FAM107B: variants seen among roughly 807,000 people sequenced by gnomAD.
FAM107B encodes family with sequence similarity 107 member B.
In FAM107B, 21 loss-of-function variants were observed where a neutral mutation model predicts 31.5. The observed-to-expected ratio is 0.67, with a 90% CI of 0.47 to 0.96. The LOEUF is 0.96. Ranked by LOEUF, FAM107B falls within the 40% of genes least tolerant of loss-of-function variation. FAM107B has a pLI of 0.00. For missense variants in FAM107B, 452 were observed against 377.1 expected (o/e 1.20, Z -1.64); for synonymous variants, 157 against 141.5 (o/e 1.11, Z -0.78).
Position 14,579,092 on chromosome 10 carries a change from C to T in FAM107B, c.470-48577G>A, listed in dbSNP as rs540838802. On this transcript the variant is annotated intron_variant, in intron 2 of 4. Coordinates refer to ENST00000181796, the MANE Select transcript of FAM107B (RefSeq NM_031453.4). ...GACAAACACCTAGAAAAAACCCATT[C>T]GTTGTATGAAGCACTCGGCTCAAGT... Among the ~76,000 whole-genome samples, 5 of 152,248 alleles carry T rather than the reference C, an allele frequency of 3.3e-5. No homozygotes were observed. The East Asian group carries it at 5.8e-4, about 18-fold the overall frequency.
At chr10:14,604,444 G>GGAGGGGCGGGGCGGC (rs1852526900) in intron 2 of FAM107B, 1 of 160,506 alleles carries the variant, frequency 6.2e-6, no homozygotes, top group South Asian at 2.0e-4. Flanking sequence ...GGCGGGGCGG[G>GGAGGGGCGGGGCGGC]GAGGGGCGGG....
intron 1 of FAM107B, among the ~76,000 whole-genome samples, chr10:14,747,938 C>T (rs1832759554): frequency 6.6e-6 from 1 of 152,214 alleles, no homozygotes; most frequent in African/African-American, 2.4e-5. Context: ...TCCCTCCATC[C>T]CCAGCCCACC....
intron 2 of FAM107B, among the ~76,000 whole-genome samples, chr10:14,582,807 C>T (rs555131263): frequency 7.2e-5 from 11 of 152,138 alleles, no homozygotes; most frequent in South Asian, 4.2e-4. Context: ...CGAAACTCGC[C>T]GGGCATGGTG....
rs117452669 is a variant in FAM107B at position 14,773,301 on chromosome 10, C to T, written c.411+952G>A. On this transcript the variant is annotated intron_variant, in intron 1 of 4. Transcript: ENST00000181796. Reference sequence around the variant, plus strand: ...GTTGGCTGTGTTCTTGCTAAGGAGGCTTCTTAGATTCTGTGAAGCAAGCCA... The same window carrying T: ...GTTGGCTGTGTTCTTGCTAAGGAGGTTTCTTAGATTCTGTGAAGCAAGCCA... Among the ~76,000 whole-genome samples the T allele has an allele frequency of 3.2e-4, 48 of 152,240 alleles. 1 individual carries two copies. The East Asian group carries it at 5.6e-3, about 18-fold the overall frequency.
At chr10:14,601,424 G>A (rs1852393575) in intron 2 of FAM107B, among the ~76,000 whole-genome samples, 1 of 152,102 alleles carries the variant, frequency 6.6e-6, no homozygotes, top group East Asian at 1.9e-4. Context: ...GGAGAAAAAT[G>A]GTTTGTTTCA....
rs141176583 is a variant in FAM107B, at chr10:14,697,744, A to G, written c.412-30053T>C. Among the ~76,000 whole-genome samples, 11 of 152,254 alleles carry G rather than the reference A, an allele frequency of 7.2e-5. No homozygotes were observed. In the East Asian group the frequency reaches 2.1e-3, roughly 29 times the overall value. ...TCAGTCTCGAAGGGACTCTACCTAG[A>G]CTGTTTCTACAATGTTGTACCTTTA... is the stretch of plus-strand genomic sequence containing the variant. On this transcript the variant is annotated intron_variant, in intron 1 of 4. Transcript: ENST00000181796.
chr10:14,659,906 A>AT (rs199893236), intron 2 of FAM107B, among the ~76,000 whole-genome samples: 12 of 151,478 alleles, frequency 7.9e-5, no homozygotes, highest in Admixed American at 2.0e-4. Context: ...AAAAATACTT[A>AT]TTTTTTTTTC....
intron 1 of FAM107B, among the ~76,000 whole-genome samples, chr10:14,737,316 C>T (rs1327123486): frequency 6.6e-6 from 1 of 151,870 alleles, no homozygotes; most frequent in African/African-American, 2.4e-5. Context: ...AAAAGCATTT[C>T]CTCTCCATAG....
intron 1 of FAM107B, among the ~76,000 whole-genome samples, chr10:14,764,265 C>T (rs145170463): frequency 1.3e-5 from 2 of 152,306 alleles, no homozygotes; most frequent in Non-Finnish European, 2.9e-5. Context: ...CATCTTACTA[C>T]CCTTTTTTGT....
intron 2 of FAM107B, among the ~76,000 whole-genome samples, chr10:14,628,261 C>T (rs144777755): frequency 0.039 from 5,924 of 151,712 alleles, 176 homozygotes; most frequent in East Asian, 0.13. Context: ...GGATTACAGG[C>T]GCCCACCATC....
chr10:14,769,899 G>A (rs1833262635), intron 1 of FAM107B, among the ~76,000 whole-genome samples: 1 of 152,162 alleles, frequency 6.6e-6, no homozygotes, highest in South Asian at 2.1e-4. Context: ...TACATCACTG[G>A]GAGAGAGAGG....
intron 2 of FAM107B, among the ~76,000 whole-genome samples, chr10:14,638,400 T>C (rs142836993): frequency 2.7e-4 from 41 of 152,272 alleles, no homozygotes; most frequent in African/African-American, 9.1e-4. Flanking sequence ...TTATGCTCCC[T>C]TCTCTTTGAA....
At chr10:14,767,311 C>T (rs570859981) in intron 1 of FAM107B, among the ~76,000 whole-genome samples, 2 of 151,312 alleles carry the variant, frequency 1.3e-5, no homozygotes, top group Non-Finnish European at 2.9e-5. Context: ...AGGCTGGTCT[C>T]GAACTCCTGA....
At chr10:14,734,487 G>GGTGTTTTTGTTTTTT (rs1461849991) in intron 1 of FAM107B, among the ~76,000 whole-genome samples, 2 of 133,134 alleles carry the variant, frequency 1.5e-5, no homozygotes, top group African/African-American at 7.1e-5. Flanking sequence ...CTTTTTGTGA[G>GGTGTTTTTGTTTTTT]GTTTTTTTTT....
intron 2 of FAM107B, among the ~76,000 whole-genome samples, chr10:14,531,236 A>G (rs561544448): frequency 1.3e-5 from 2 of 152,320 alleles, no homozygotes; most frequent in South Asian, 2.1e-4. Context: ...TACAAAATAC[A>G]AGGCCGAGCA....
intron 2 of FAM107B, among the ~76,000 whole-genome samples, chr10:14,611,379 CT>C (rs916913325): frequency 1.2e-4 from 18 of 151,370 alleles, no homozygotes; most frequent in Non-Finnish European, 4.4e-5. Context: ...TTTGCTCCAA[CT>C]TTTTTTTCTT....
intron 2 of FAM107B, among the ~76,000 whole-genome samples, chr10:14,549,283 G>T (rs1225998046): frequency 6.6e-6 from 1 of 152,226 alleles, no homozygotes; most frequent in Non-Finnish European, 1.5e-5. Flanking sequence ...CAAGGGGCTT[G>T]CGAGGCCCCT....
chr10:14,549,402 GC>G (rs1719111777), intron 2 of FAM107B, among the ~76,000 whole-genome samples: 1 of 152,214 alleles, frequency 6.6e-6, no homozygotes, highest in Admixed American at 6.5e-5. Flanking sequence ...GCTGCAATAA[GC>G]AATAAAGATG....
At chr10:14,561,092 A>G (rs1304301910) in intron 2 of FAM107B, among the ~76,000 whole-genome samples, 1 of 152,356 alleles carries the variant, frequency 6.6e-6, no homozygotes, top group East Asian at 1.9e-4. Context: ...CCTGGCGAGT[A>G]AATGCCATCT....
Sources: allele counts gnomAD v4.1 joint callset (sites outside exome capture counted in the v4.1 genomes callset), GRCh38; gene constraint gnomAD v4.1.1; transcripts MANE v1.5; gene names NCBI Gene and HGNC (gene_info 2026-07-23, HGNC 2026-07-21).